The following AKAP8L variants were observed in gnomAD, a reference collection of about 807,000 sequenced individuals.
AKAP8L encodes A-kinase anchor protein 8-like.
AKAP8L carries 34 observed loss-of-function variants against 77.5 expected under a neutral mutation model. The observed-to-expected ratio is 0.44, with a 90% confidence interval of 0.33 to 0.58. The LOEUF (loss-of-function observed/expected upper bound fraction) is 0.58. Among genes scored for constraint, AKAP8L ranks in the 20% least tolerant of loss-of-function variants. The probability of loss-of-function intolerance (pLI) is 0.02; values close to 1 mark genes in which losing one functional copy is unlikely to be tolerated. For synonymous variants in AKAP8L, 342 were observed against 340.7 expected (o/e 1.00, Z -0.04); for missense variants, 806 against 887.6 (o/e 0.91, Z 1.17).
Position 15,397,575 on chromosome 19 carries a change from C to T in AKAP8L, c.1350G>A (p.Val450=), listed in dbSNP as rs1297127886. The change falls in exon 11 of 14, where the codon GTG becomes GTA. Residue 450 remains valine, a synonymous_variant. Coordinates refer to ENST00000397410, the MANE Select transcript of AKAP8L (RefSeq NM_014371.4). This position sits in a 1 kb window ranked among gnomAD's most constrained non-coding sequence, Gnocchi z 4.7. ...GCTGGATGAGGCCATCAAGGTCCTC[C>T]ACGGTTTTTCGGAGCTCCTCTGTCT... ...TKKTEELRKT[V]EDLDGLIQQI... is the part of the protein sequence containing the mutation. 6.2e-7 allele frequency: 1 copy of T among 1,613,912 alleles called. No homozygotes were observed. Among genetic ancestry groups the T allele is most frequent in the Non-Finnish European group, 8.5e-7 (1 of 1,179,886 alleles).
chr19:15,381,171 A>T (rs537772552), intron 12 of AKAP8L: 20 of 154,176 alleles, frequency 1.3e-4, no homozygotes, highest in Non-Finnish European at 2.2e-4. Context: ...CAATGTATGA[A>T]AAGTAAAAAT....
chr19:15,389,681 G>A (rs1259356749), intron 12 of AKAP8L, among the ~76,000 whole-genome samples: 1 of 152,194 alleles, frequency 6.6e-6, no homozygotes, highest in Admixed American at 6.5e-5. Flanking sequence ...AGAGGCAGGG[G>A]AATCACTTGA....
rs1391789111 is a variant in AKAP8L, at chr19:15,380,358, C to T, written c.1705G>A (p.Glu569Lys). 3.9e-6 allele frequency: 6 copies of T among 1,556,888 alleles called. No homozygotes were observed. Among genetic ancestry groups the T allele is most frequent in the Admixed American group, 1.9e-5 (1 of 52,952 alleles). Residue 569 changes from glutamate to lysine, a missense_variant, in exon 14 of 14, where the codon GAG becomes AAG. Around this residue, in one of 2 missense-constraint regions of AKAP8L, gnomAD observed 226 missense variants for 193.5 expected, o/e 1.17. Transcript: ENST00000397410. Reference sequence around the variant, plus strand: ...CCTGCCGCTTCGCCCTGCGCCCCCTCGTCCAGGGCACCGCCCTCAGCCTCC... The same window carrying T: ...CCTGCCGCTTCGCCCTGCGCCCCCTTGTCCAGGGCACCGCCCTCAGCCTCC... ...QEEAEGGALD[E>K]GAQGEAAGIS...
At chr19:15,385,351 T>C (rs1967512000) in intron 12 of AKAP8L, among the ~76,000 whole-genome samples, 1 of 149,764 alleles carries the variant, frequency 6.7e-6, no homozygotes, top group Non-Finnish European at 1.5e-5. Flanking sequence ...CTGGCTAATT[T>C]TTTGTATTTT....
chr19:15,399,515 G>T lies in AKAP8L; in HGVS notation c.1049-105C>A. 1 of 827,626 alleles carries T rather than the reference G, an allele frequency of 1.2e-6. No individual in the cohort carries two copies. Among genetic ancestry groups the T allele is most frequent in the Non-Finnish European group, 2.1e-6 (1 of 485,302 alleles). The allele number at this position is 827,626 out of a possible 1,614,324, so 51.3% of individuals were successfully genotyped here. A position where few individuals can be genotyped will look rare whatever the true frequency, so the allele number is the denominator to read the frequency against. On this transcript the variant is annotated intron_variant, in intron 8 of 13. Transcript: ENST00000397410. The surrounding 1 kb of genome is among the most constrained non-coding windows in gnomAD (Gnocchi z 6.1). ...CACTGTCCACTCCAGAGGGTCCATC[G>T]AGAATAGCTGTCCAAGCAAGGCCTC...
At position 15,400,277 on chromosome 19, in the gene AKAP8L, C is replaced by A; in HGVS notation, c.1048+18G>T. On this transcript the variant is annotated intron_variant, in intron 8 of 13. Coordinates refer to ENST00000397410, the MANE Select transcript of AKAP8L (RefSeq NM_014371.4). ...CTGGAAGAGCCGCCCTAGCACCAGGCACCCCAGGAAAACTCACCCTTCTCT... is the reference window on the plus strand; with the variant it reads ...CTGGAAGAGCCGCCCTAGCACCAGGAACCCCAGGAAAACTCACCCTTCTCT... The A allele has an allele frequency of 1.2e-6, 2 of 1,613,624 alleles. No homozygotes were observed. Among genetic ancestry groups the A allele is most frequent in the Non-Finnish European group, 1.7e-6 (2 of 1,179,564 alleles).
intron 1 of AKAP8L, among the ~76,000 whole-genome samples, chr19:15,411,367 T>C (rs1968101462): frequency 6.6e-6 from 1 of 152,108 alleles, no homozygotes; most frequent in South Asian, 2.1e-4. Context: ...ATTATAACAA[T>C]TATTTCTGGG....
At chr19:15,413,581 A>G (rs1270508958) in intron 1 of AKAP8L, among the ~76,000 whole-genome samples, 1 of 152,176 alleles carries the variant, frequency 6.6e-6, no homozygotes, top group African/African-American at 2.4e-5. Flanking sequence ...TGAGATGCCT[A>G]AAATCCAGGC....
intron 12 of AKAP8L, among the ~76,000 whole-genome samples, chr19:15,388,128 G>A (rs1406299311): frequency 1.3e-5 from 2 of 152,052 alleles, no homozygotes; most frequent in Non-Finnish European, 2.9e-5. Flanking sequence ...GAAAAAGAGC[G>A]AGCCCATGGC....
rs1481789835 is a variant in AKAP8L, at chr19:15,397,915, G to A, written c.1158-60C>T. 29 of 1,573,448 alleles carry A rather than the reference G, an allele frequency of 1.8e-5. No individual in the cohort carries two copies. Among genetic ancestry groups the A allele is most frequent in the South Asian group, 6.9e-5 (6 of 86,812 alleles). On this transcript the variant is annotated intron_variant, in intron 9 of 13. Transcript: ENST00000397410. This position sits in a 1 kb window ranked among gnomAD's most constrained non-coding sequence, Gnocchi z 4.7. The stretch of plus-strand genomic sequence containing the variant: ...AAGTGTCCCAGGGGATAGTGCTGCC[G>A]CCTCACCCAACCCAGACACAAGCCC...
At chr19:15,418,143 G>C (rs1402932561) in intron 1 of AKAP8L, among the ~76,000 whole-genome samples, 2 of 152,122 alleles carry the variant, frequency 1.3e-5, no homozygotes, top group African/African-American at 4.8e-5. Flanking sequence ...ACCACTCCAC[G>C]TAGTGGAGCG....
chr19:15,399,430 C>A lies in AKAP8L; in HGVS notation c.1049-20G>T. The A allele has an allele frequency of 6.3e-7, 1 of 1,593,762 alleles. No homozygotes were observed. The highest frequency in any genetic ancestry group is 1.1e-5 in the South Asian group (1 of 90,706). ...GGGCCCCTGTGGGAGCAGATGGGCA[C>A]TGTCACCAATTTGGCTCTGCCAGGA... On this transcript the variant is annotated intron_variant, in intron 8 of 13. Coordinates refer to ENST00000397410, the MANE Select transcript of AKAP8L (RefSeq NM_014371.4). This position sits in a 1 kb window ranked among gnomAD's most constrained non-coding sequence, Gnocchi z 6.1.
chr19:15,406,528 G>A (rs1368031954), intron 2 of AKAP8L, among the ~76,000 whole-genome samples: 1 of 152,034 alleles, frequency 6.6e-6, no homozygotes, highest in Non-Finnish European at 1.5e-5. Flanking sequence ...GTGTAATGGT[G>A]TGATCACAGC....
intron 12 of AKAP8L, among the ~76,000 whole-genome samples, chr19:15,395,780 C>G (rs1352519639): frequency 6.9e-6 from 1 of 144,260 alleles, no homozygotes; most frequent in Non-Finnish European, 1.5e-5. Flanking sequence ...GTCAGGAGAT[C>G]GAGACCATCC....
At chr19:15,404,135 T>G (rs1967953787) in intron 2 of AKAP8L, 93 bp from the exon 3 acceptor site, 2 of 1,369,620 alleles carry the variant, frequency 1.5e-6, no homozygotes, top group African/African-American at 2.9e-5. Context: ...ACCTGACTGG[T>G]CAGAGCAGGC....
intron 12 of AKAP8L, among the ~76,000 whole-genome samples, chr19:15,386,710 G>A (rs1240946932): frequency 6.6e-6 from 1 of 152,204 alleles, no homozygotes; most frequent in Non-Finnish European, 1.5e-5. Context: ...CCAGGCTGGA[G>A]TGCAATGGCG....
intron 2 of AKAP8L, among the ~76,000 whole-genome samples, chr19:15,406,362 G>GGGGA (rs1555700853): frequency 1.3e-4 from 12 of 89,366 alleles, no homozygotes; most frequent in Admixed American, 3.4e-4. Flanking sequence ...GAAATTTTAA[G>GGGGA]GAGAGAGAGA....
intron 1 of AKAP8L, among the ~76,000 whole-genome samples, chr19:15,418,694 G>T (rs1968264583): frequency 6.6e-6 from 1 of 152,246 alleles, no homozygotes; most frequent in Admixed American, 6.5e-5. Context: ...AAGACATCAG[G>T]CGGCCGGGAG....
Position 15,410,525 on chromosome 19 carries a change from T to A in AKAP8L, c.83A>T (p.Asp28Val). 1.3e-6 allele frequency: 2 copies of A among 1,579,166 alleles called. No homozygotes were observed. Among genetic ancestry groups the A allele is most frequent in the Non-Finnish European group, 1.7e-6 (2 of 1,162,164 alleles). ...YSDTSAQPTC[D>V]YGYGTWNSGT... ...CACCAGAAGTCCACACTTACCATAA[T>A]CACAGGTGGGCTGAGCGCTGGTATC... Residue 28 changes from aspartate (D) to valine (V), a missense_variant, in exon 2 of 14, where the codon GAT becomes GTT. By Grantham distance (152) the Asp-to-Val change is radical. Around this residue, in one of 2 missense-constraint regions of AKAP8L, gnomAD observed 580 missense variants for 694.1 expected, o/e 0.84. Coordinates refer to ENST00000397410, the MANE Select transcript of AKAP8L (RefSeq NM_014371.4).
Sources: allele counts gnomAD v4.1 joint callset (sites outside exome capture counted in the v4.1 genomes callset), GRCh38; gene constraint gnomAD v4.1.1; regional missense constraint gnomAD v4.1.1; non-coding constraint Gnocchi (gnomAD v3.1); transcripts MANE v1.5; gene names NCBI Gene and HGNC (gene_info 2026-07-23, HGNC 2026-07-21).